IGFBP7: variants seen among roughly 807,000 people sequenced by gnomAD.
IGFBP7 encodes the protein insulin-like growth factor-binding protein 7.
IGFBP7 carries 31 observed loss-of-function variants against 29.4 expected under a neutral mutation model. The observed-to-expected ratio is 1.05, with a 90% CI of 0.79 to 1.42. IGFBP7 has a LOEUF of 1.42. IGFBP7 is among the 40% of genes most tolerant of loss of function. The pLI is 0.00. For synonymous variants in IGFBP7, 172 were observed against 174.9 expected (o/e 0.98, Z 0.13); for missense variants, 393 against 395.5 (o/e 0.99, Z 0.05).
chr4:57,084,002 A>G (rs994346808), intron 1 of IGFBP7, among the ~76,000 whole-genome samples: 49 of 152,234 alleles, frequency 3.2e-4, no homozygotes, highest in African/African-American at 1.2e-3. Context: ...AAAGCATTAC[A>G]TGAAATGCAA....
intron 2 of IGFBP7, among the ~76,000 whole-genome samples, chr4:57,038,949 C>A (rs1724151455): frequency 6.6e-6 from 1 of 151,398 alleles, no homozygotes; most frequent in Non-Finnish European, 1.5e-5. Flanking sequence ...GCCTGTAATC[C>A]CAACTACTTG....
intron 1 of IGFBP7, among the ~76,000 whole-genome samples, chr4:57,059,924 C>A (rs1724760961): frequency 6.6e-6 from 1 of 152,060 alleles, no homozygotes; most frequent in South Asian, 2.1e-4. Context: ...GAAAGGACTA[C>A]AATAATAACT....
intron 1 of IGFBP7, among the ~76,000 whole-genome samples, chr4:57,044,345 G>T (rs1458414372): frequency 6.6e-6 from 1 of 152,182 alleles, no homozygotes; most frequent in Admixed American, 6.5e-5. Flanking sequence ...TAAAACAGAT[G>T]TTCTTAGTTT....
chr4:57,109,772 A>T (rs1362534857), intron 1 of IGFBP7, 105 bp downstream of exon 1: 21 of 1,313,432 alleles, frequency 1.6e-5, no homozygotes. Flanking sequence ...CCGCGGGGGA[A>T]TCGCAGTGAG....
intron 4 of IGFBP7, 136 bp downstream of exon 4, chr4:57,032,290 C>T: frequency 6.9e-7 from 1 of 1,452,454 alleles, no homozygotes; most frequent in Admixed American, 2.7e-5. Context: ...ATTTTAATGG[C>T]ATACTTAATG....
At chr4:57,057,983 T>C (rs1042997997) in intron 1 of IGFBP7, among the ~76,000 whole-genome samples, 3 of 152,150 alleles carry the variant, frequency 2.0e-5, no homozygotes, top group East Asian at 1.9e-4. Context: ...TTGACCTGTC[T>C]CCAAATTTCC....
chr4:57,081,179 GAA>G (rs953370928), intron 1 of IGFBP7, among the ~76,000 whole-genome samples: 2 of 152,098 alleles, frequency 1.3e-5, no homozygotes, highest in African/African-American at 4.8e-5. Flanking sequence ...AGGGCCCAGG[GAA>G]AGTGCCTCTA....
chr4:57,053,848 C>A (rs1431028279), intron 1 of IGFBP7, among the ~76,000 whole-genome samples: 1 of 152,142 alleles, frequency 6.6e-6, no homozygotes, highest in Non-Finnish European at 1.5e-5. Flanking sequence ...CTATGACTCA[C>A]CTTAAATACA....
intron 2 of IGFBP7, among the ~76,000 whole-genome samples, chr4:57,037,629 G>A (rs182714171): frequency 1.3e-3 from 199 of 152,232 alleles, no homozygotes; most frequent in Middle Eastern, 3.4e-3. Context: ...AGTCCTAAAA[G>A]GGAAAAGATT....
At chr4:57,091,492 A>G (rs1238452717) in intron 1 of IGFBP7, among the ~76,000 whole-genome samples, 2 of 152,180 alleles carry the variant, frequency 1.3e-5, no homozygotes, top group African/African-American at 4.8e-5. Flanking sequence ...AACACACTGA[A>G]TCTTGGTTGC....
intron 1 of IGFBP7, among the ~76,000 whole-genome samples, chr4:57,053,848 C>T (rs1431028279): frequency 6.6e-6 from 1 of 152,142 alleles, no homozygotes; most frequent in Non-Finnish European, 1.5e-5. Context: ...CTATGACTCA[C>T]CTTAAATACA....
chr4:57,109,996 A>G lies in IGFBP7; in HGVS notation c.356T>C (p.Val119Ala), dbSNP rs1450182827. 6.5e-7 allele frequency: 1 copy of G among 1,545,312 alleles called. No homozygotes were observed. The highest frequency in any genetic ancestry group is 1.9e-5 in the Admixed American group (1 of 51,904). Reference protein sequence around the residue: ...GVCVCKSRYPVCGSDGTTYPS... With the variant: ...GVCVCKSRYPACGSDGTTYPS... ...GTAGGTGGTGCCGTCGCTGCCGCAC[A>G]CCGGGTAGCGGCTCTTGCACACGCA... is the stretch of plus-strand genomic sequence containing the variant. Residue 119 changes from valine (V) to alanine (A), a missense_variant, in exon 1 of 5, where the codon GTG becomes GCG. Physicochemically the swap from Val to Ala is moderately conservative, Grantham distance 64. Transcript: ENST00000295666.
At chr4:57,068,073 T>C (rs1724962539) in intron 1 of IGFBP7, among the ~76,000 whole-genome samples, 2 of 152,108 alleles carry the variant, frequency 1.3e-5, no homozygotes, top group Non-Finnish European at 2.9e-5. Flanking sequence ...CATGCCGTAG[T>C]CACAGCACTT....
chr4:57,108,119 C>T (rs1726080850), intron 1 of IGFBP7, among the ~76,000 whole-genome samples: 1 of 152,150 alleles, frequency 6.6e-6, no homozygotes, highest in Non-Finnish European at 1.5e-5. Flanking sequence ...TCCAAAGTAA[C>T]AAATAACTGT....
chr4:57,056,411 G>T (rs1376887509), intron 1 of IGFBP7, among the ~76,000 whole-genome samples: 1 of 152,036 alleles, frequency 6.6e-6, no homozygotes, highest in Non-Finnish European at 1.5e-5. Flanking sequence ...AAGTATTACT[G>T]TGTGTTTGAG....
chr4:57,095,108 C>A (rs1170725704), intron 1 of IGFBP7, among the ~76,000 whole-genome samples: 1 of 152,220 alleles, frequency 6.6e-6, no homozygotes, highest in Non-Finnish European at 1.5e-5. Context: ...TATGAGCAAG[C>A]AGGCTGTGAT....
chr4:57,073,231 G>C lies in IGFBP7; in HGVS notation c.476-32298C>G, dbSNP rs988098130. On this transcript the variant is annotated intron_variant, in intron 1 of 4. Coordinates refer to ENST00000295666, the MANE Select transcript of IGFBP7 (RefSeq NM_001553.3). ...TGTATAGCACTCTGTATCTTGAGCT[G>C]TGGTATTATTATTATTATTATTATT... The C allele has an allele frequency of 9.0e-6, 6 of 665,878 alleles. No homozygotes were observed. In the African/African-American group the frequency reaches 1.7e-4, roughly 19 times the overall value. The allele number at this position is 665,878 out of a possible 1,614,324, so 41.2% of individuals were successfully genotyped here. A position where few individuals can be genotyped will look rare whatever the true frequency, so the allele number is the denominator to read the frequency against.
At chr4:57,092,884 T>C (rs921136857) in intron 1 of IGFBP7, among the ~76,000 whole-genome samples, 2 of 151,516 alleles carry the variant, frequency 1.3e-5, no homozygotes, top group African/African-American at 2.4e-5. Flanking sequence ...ATGGAAAATA[T>C]TAGTTATAAA....
intron 2 of IGFBP7, 46 bp from the exon 3 acceptor site, chr4:57,033,357 C>T (rs928459783): frequency 7.8e-7 from 1 of 1,281,046 alleles, no homozygotes; most frequent in Non-Finnish European, 1.1e-6. Flanking sequence ...TACACCAGAT[C>T]ATCTACTTGG....
Sources: gnomAD v4.1 joint callset for allele counts (sites outside exome capture counted in the v4.1 genomes callset) on GRCh38, gnomAD v4.1.1 for gene constraint, MANE v1.5 for transcripts, NCBI Gene and HGNC (gene_info 2026-07-23, HGNC 2026-07-21) for gene names.